The following DPEP1 variants were observed in gnomAD, a reference collection of about 807,000 sequenced individuals.
DPEP1 encodes the protein dipeptidase 1.
A neutral mutation model predicts 42.3 loss-of-function variants in DPEP1; 50 were observed. The observed-to-expected ratio is 1.18, with a 90% CI of 0.94 to 1.50. DPEP1 has a LOEUF of 1.50. Among genes scored for constraint, DPEP1 ranks in the 40% most tolerant of loss-of-function variants. The pLI, the probability that DPEP1 is intolerant of heterozygous loss-of-function variation, is 0.00. For missense variants in DPEP1, 663 were observed against 553.0 expected (o/e 1.20, Z -1.99); for synonymous variants, 297 against 234.0 (o/e 1.27, Z -2.46).
chr16:89,616,250 C>T (rs1179610638), intron 1 of DPEP1, among the ~76,000 whole-genome samples: 1 of 152,108 alleles, frequency 6.6e-6, no homozygotes, highest in East Asian at 1.9e-4. Flanking sequence ...CACAGGTAGC[C>T]AGTGTCGACG....
At chr16:89,641,274 T>A (rs1266438704), downstream of DPEP1, among the ~76,000 whole-genome samples, 1 of 152,048 alleles carries the variant, frequency 6.6e-6, no homozygotes, top group Non-Finnish European at 1.5e-5. Context: ...GAGCAGAGTC[T>A]TTTCTAACGC....
chr16:89,626,887 G>A lies in DPEP1; in HGVS notation c.-106-3418G>A, dbSNP rs140804312. 4.7e-3 allele frequency among the ~76,000 whole-genome samples: 721 copies of A among 152,162 alleles called. 7 individuals are homozygous for A. Among genetic ancestry groups the A allele is most frequent in the African/African-American group, 0.017 (691 of 41,544 alleles). On this transcript the variant is annotated intron_variant, in intron 1 of 10. Transcript: ENST00000690203. ...AATCCCAACAGCTTGGGAGGCCGAG[G>A]CGGGTGGATCACTTGGGGTCAGGAG...
intron 1 of DPEP1, among the ~76,000 whole-genome samples, chr16:89,614,324 C>T (rs1018383045): frequency 6.6e-6 from 1 of 152,182 alleles, no homozygotes; most frequent in African/African-American, 2.4e-5. Flanking sequence ...ACTCAGCTCA[C>T]GTACCCCTTC....
At chr16:89,641,147 C>G (rs2059739693), downstream of DPEP1, among the ~76,000 whole-genome samples, 1 of 152,228 alleles carries the variant, frequency 6.6e-6, no homozygotes, top group Non-Finnish European at 1.5e-5. Flanking sequence ...CTGGGTGGAA[C>G]ATGAAGGCGG....
rs1555632837 is a variant in DPEP1 at position 89,637,833 on chromosome 16, C to T, written c.930-3C>T. ...GGCCCAGGTTCTCCTGGCCTCAACA[C>T]AGGGTCCCTGAGGGGCTGGAGGACG... On this transcript the variant is annotated splice_region_variant and splice_polypyrimidine_tract_variant and intron_variant, in intron 9 of 10. Coordinates refer to ENST00000690203, the MANE Select transcript of DPEP1 (RefSeq NM_001389466.1). 20 of 1,612,634 alleles carry T rather than the reference C, an allele frequency of 1.2e-5. No individual in the cohort carries two copies. The South Asian group carries it at 1.9e-4, about 15-fold the overall frequency.
intron 1 of DPEP1, among the ~76,000 whole-genome samples, chr16:89,630,062 C>G (rs1368220633): frequency 6.6e-6 from 1 of 152,178 alleles, no homozygotes; most frequent in African/African-American, 2.4e-5. Flanking sequence ...TCATCTGGGC[C>G]TGCTCTCAGC....
In DPEP1 at chr16:89,638,135, C is replaced by T. The variant is rs199966060; in HGVS notation, c.1149C>T (p.Tyr383=). The T allele has an allele frequency of 3.1e-6, 5 of 1,610,710 alleles. No homozygotes were observed. The highest frequency in any genetic ancestry group is 3.4e-6 in the Non-Finnish European group (4 of 1,179,478). The stretch of plus-strand genomic sequence containing the variant: ...GCTCCTGCAGGACCCATTACGGCTA[C>T]TCCTCTGGGGCTTCCAGCCTCCATC... ...LGGSCRTHYG[Y]SSGASSLHRH... Residue 383 remains tyrosine (Y), a synonymous_variant, in exon 11 of 11, where the codon TAC becomes TAT. Coordinates refer to ENST00000690203, the MANE Select transcript of DPEP1 (RefSeq NM_001389466.1).
At position 89,636,346 on chromosome 16, in the gene DPEP1, G is replaced by T. The variant is rs536799132; in HGVS notation, c.320G>T (p.Arg107Leu). ...RTLEQMDVVH[R>L]MCRMYPETFL... ...CTGGAGCAGATGGACGTGGTCCACC[G>T]CATGTGCCGGATGTACCCGGAGACC... Residue 107 changes from arginine to leucine, a missense_variant, in exon 4 of 11, where the codon CGC becomes CTC. Coordinates refer to ENST00000690203, the MANE Select transcript of DPEP1 (RefSeq NM_001389466.1). 3 of 1,612,574 alleles carry T rather than the reference G, an allele frequency of 1.9e-6. No individual in the cohort carries two copies. The highest frequency in any genetic ancestry group is 2.2e-5 in the East Asian group (1 of 44,876).
chr16:89,623,161 C>G (rs556252358), intron 1 of DPEP1, among the ~76,000 whole-genome samples: 2 of 151,888 alleles, frequency 1.3e-5, no homozygotes, highest in African/African-American at 4.8e-5. Context: ...AAAAATGCTG[C>G]TGGGCGTGGT....
At chr16:89,636,468 G>A (rs566901401) in intron 4 of DPEP1, 65 bp from the exon 5 acceptor site, 20 of 1,596,614 alleles carry the variant, frequency 1.3e-5, no homozygotes, top group African/African-American at 2.7e-5. Context: ...AGCAGGTGCC[G>A]GTCAGGACAC....
intron 1 of DPEP1, among the ~76,000 whole-genome samples, chr16:89,614,956 T>A (rs766476182): frequency 1.3e-5 from 2 of 152,146 alleles, no homozygotes; most frequent in Non-Finnish European, 2.9e-5. Context: ...CAATGGCTCT[T>A]ACACAGCCAA....
chr16:89,618,933 GCTCCCTGC>G lies in DPEP1; in HGVS notation c.-107+5216_-107+5223del, dbSNP rs1567979812. Among the ~76,000 whole-genome samples, 219 of 118,390 alleles carry G rather than the reference GCTCCCTGC, an allele frequency of 1.8e-3. 24 individuals carry two copies. The highest frequency in any genetic ancestry group is 2.5e-3 in the African/African-American group (82 of 32,652). 77.7% of individuals were successfully genotyped at this position (118,390 alleles called of 152,430 possible). On this transcript the variant is annotated intron_variant, in intron 1 of 10. Coordinates refer to ENST00000690203, the MANE Select transcript of DPEP1 (RefSeq NM_001389466.1). ...TTGCCCTCCCTGCTCCCTCCCTGCA[GCTCCCTGC>G]CCCCCTGCTCCCCTCCCTGCAGCCC...
chr16:89,631,789 G>A (rs551105441), intron 2 of DPEP1, among the ~76,000 whole-genome samples: 9 of 152,218 alleles, frequency 5.9e-5, no homozygotes, highest in South Asian at 4.1e-4. Context: ...CTCGGGAGGC[G>A]GAGGCTAGAG....
chr16:89,641,220 CGG>C (rs58339247), downstream of DPEP1, among the ~76,000 whole-genome samples: 4 of 151,714 alleles, frequency 2.6e-5, no homozygotes, highest in East Asian at 1.9e-4. Context: ...CGGAGGGCTG[CGG>C]GGGGGGGTTG....
At chr16:89,621,130 G>A (rs1163364629) in intron 1 of DPEP1, among the ~76,000 whole-genome samples, 1 of 152,102 alleles carries the variant, frequency 6.6e-6, no homozygotes, top group East Asian at 1.9e-4. Flanking sequence ...TCTGGAGGAT[G>A]GGGTAGCAAG....
downstream of DPEP1, among the ~76,000 whole-genome samples, chr16:89,641,450 C>A (rs2059742067): frequency 6.6e-6 from 1 of 152,198 alleles, no homozygotes; most frequent in South Asian, 2.1e-4. Context: ...CCCTTCAGCT[C>A]CTGTCTCTGT....
Position 89,637,391 on chromosome 16 carries a change from A to G in DPEP1, c.768+11A>G, listed in dbSNP as rs748642382. ...GTCCTGAGGCTGGTGGTGAGGGCCGAGGGGGCGACCTCCACCCCGCCTCCC... is the reference window on the plus strand; with the variant it reads ...GTCCTGAGGCTGGTGGTGAGGGCCGGGGGGGCGACCTCCACCCCGCCTCCC... On this transcript the variant is annotated intron_variant, in intron 7 of 10. Transcript: ENST00000690203. The G allele has an allele frequency of 1.2e-6, 2 of 1,612,254 alleles. No individual in the cohort carries two copies. The highest frequency in any genetic ancestry group is 1.7e-6 in the Non-Finnish European group (2 of 1,179,792).
chr16:89,628,150 C>T (rs531061675), intron 1 of DPEP1, among the ~76,000 whole-genome samples: 1 of 152,066 alleles, frequency 6.6e-6, no homozygotes, highest in Non-Finnish European at 1.5e-5. Context: ...TCTCGATCTC[C>T]TGACCTGGTG....
intron 1 of DPEP1, among the ~76,000 whole-genome samples, chr16:89,614,012 C>T (rs2059356852): frequency 6.7e-6 from 1 of 150,194 alleles, no homozygotes; most frequent in African/African-American, 2.5e-5. Flanking sequence ...GGGGACGCGG[C>T]TGCTTCCTGG....
Sources: gnomAD v4.1 joint callset for allele counts (sites outside exome capture counted in the v4.1 genomes callset) on GRCh38, gnomAD v4.1.1 for gene constraint, MANE v1.5 for transcripts, NCBI Gene and HGNC (gene_info 2026-07-23, HGNC 2026-07-21) for gene names.